Variants in C1orf141 observed in about 807,000 individuals in gnomAD.
The protein encoded by C1orf141 is chromosome 1 open reading frame 141, also known as uncharacterized protein C1orf141.
A neutral mutation model predicts 23.2 loss-of-function variants in C1orf141; 19 were observed. The observed-to-expected ratio is 0.82, with a 90% confidence interval of 0.57 to 1.20. The LOEUF (loss-of-function observed/expected upper bound fraction) is 1.20. Ranked by LOEUF, C1orf141 falls within the 50% of genes most tolerant of loss-of-function variation. The pLI is 0.00. For synonymous variants in C1orf141, 153 were observed against 154.6 expected (o/e 0.99, Z 0.08); for missense variants, 469 against 455.1 (o/e 1.03, Z -0.28).
intron 3 of C1orf141, among the ~76,000 whole-genome samples, chr1:67,126,768 T>G (rs1346059215): frequency 1.3e-5 from 2 of 152,218 alleles, no homozygotes; most frequent in South Asian, 4.1e-4. Flanking sequence ...TCAAACCAAA[T>G]CTTGCGGCTT....
At chr1:67,113,674 T>A (rs1428798791) in intron 5 of C1orf141, 2 of 1,254,044 alleles carry the variant, frequency 1.6e-6, no homozygotes, top group Non-Finnish European at 2.1e-6. Context: ...CAGGTCTTTG[T>A]AAGAAGTACA....
At chr1:67,105,219 G>A (rs894168949) in intron 5 of C1orf141, among the ~76,000 whole-genome samples, 3 of 151,254 alleles carry the variant, frequency 2.0e-5, no homozygotes, top group Non-Finnish European at 2.9e-5. Flanking sequence ...CCAACTACTC[G>A]GGAAGCTGCG....
In C1orf141 at chr1:67,092,927, G is replaced by T; in HGVS notation, c.*78C>A. ...ATGATCAATTAGAACATTACTATTTGGATAAGAATTTCTTTTATAATTTTG... is the reference window on the plus strand; with the variant it reads ...ATGATCAATTAGAACATTACTATTTTGATAAGAATTTCTTTTATAATTTTG... On this transcript the variant is annotated 3_prime_UTR_variant, in exon 8 of 8. Coordinates refer to ENST00000684719, the MANE Select transcript of C1orf141 (RefSeq NM_001276351.2). 1.8e-6 allele frequency: 2 copies of T among 1,121,654 alleles called. No homozygotes were observed. The highest frequency in any genetic ancestry group is 2.6e-6 in the Non-Finnish European group (2 of 783,552). The allele number at this position is 1,121,654 out of a possible 1,614,324, so 69.5% of individuals were successfully genotyped here. A position where few individuals can be genotyped will look rare whatever the true frequency, so the allele number is the denominator to read the frequency against.
In C1orf141 at chr1:67,130,168, T is replaced by C. The variant is rs577005453; in HGVS notation, c.-18+974A>G. On this transcript the variant is annotated intron_variant, in intron 2 of 7. Coordinates refer to ENST00000684719, the MANE Select transcript of C1orf141 (RefSeq NM_001276351.2). ...TCCCTCTTGTAAAACTAAACTAAAC[T>C]AAAACTCTCCGAGGAGTTTTAGCTT... Among the ~76,000 whole-genome samples, 15 of 152,288 alleles carry C rather than the reference T, an allele frequency of 9.8e-5. No homozygotes were observed. The South Asian group carries it at 1.7e-3, about 17-fold the overall frequency.
chr1:67,112,731 A>T (rs1266256513), intron 5 of C1orf141, among the ~76,000 whole-genome samples: 1 of 152,108 alleles, frequency 6.6e-6, no homozygotes, highest in African/African-American at 2.4e-5. Context: ...ACAAAAAACC[A>T]AGGGGTGAAT....
rs370142388 is a variant in C1orf141 at position 67,093,137 on chromosome 1, C to T, written c.1071G>A (p.Thr357=). The part of the protein sequence containing the change: ...FERMFSAGKP[T]SIPTSSALPV... ...GTAAGGCACTGGATGTGGGTATGCT[C>T]GTTGGTTTTCCTGCAGAAAACATTC... Residue 357 remains threonine (T), a synonymous_variant, in exon 8 of 8, where the codon ACG becomes ACA. Transcript: ENST00000684719. The T allele has an allele frequency of 3.0e-5, 49 of 1,613,858 alleles. No individual in the cohort carries two copies. Among genetic ancestry groups the T allele is most frequent in the Middle Eastern group, 1.7e-4 (1 of 6,060 alleles).
At chr1:67,106,760 G>A (rs963957828) in intron 5 of C1orf141, among the ~76,000 whole-genome samples, 6 of 152,028 alleles carry the variant, frequency 3.9e-5, no homozygotes, top group African/African-American at 9.7e-5. Context: ...GAATCTTACC[G>A]GAGAAACAGA....
At chr1:67,128,714 A>T (rs1360120217) in intron 2 of C1orf141, among the ~76,000 whole-genome samples, 1 of 152,090 alleles carries the variant, frequency 6.6e-6, no homozygotes, top group African/African-American at 2.4e-5. Context: ...AAAAGAAAAA[A>T]AAAATTGTGT....
intron 2 of C1orf141, among the ~76,000 whole-genome samples, chr1:67,129,773 G>A (rs1373805291): frequency 6.6e-6 from 1 of 152,112 alleles, no homozygotes; most frequent in Admixed American, 6.6e-5. Flanking sequence ...AAGACCTGTG[G>A]CAACTCTAAA....
intron 1 of C1orf141, among the ~76,000 whole-genome samples, chr1:67,134,450 G>T (rs1646562633): frequency 6.6e-6 from 1 of 152,204 alleles, no homozygotes; most frequent in South Asian, 2.1e-4. Flanking sequence ...TACCGCAGGG[G>T]CGATCAGCTT....
intron 5 of C1orf141, among the ~76,000 whole-genome samples, chr1:67,102,156 T>C (rs1032030948): frequency 1.2e-4 from 19 of 152,158 alleles, no homozygotes; most frequent in African/African-American, 4.3e-4. Context: ...CTGAACAGCA[T>C]TTTAAAAAAT....
chr1:67,137,630 C>A (rs1414810333), upstream of C1orf141, among the ~76,000 whole-genome samples: 1 of 152,194 alleles, frequency 6.6e-6, no homozygotes, highest in East Asian at 1.9e-4. Flanking sequence ...GTGGCCACCT[C>A]CCCATCCTAA....
intron 1 of C1orf141, among the ~76,000 whole-genome samples, chr1:67,132,316 C>G (rs936988801): frequency 2.0e-5 from 3 of 151,904 alleles, no homozygotes; most frequent in Non-Finnish European, 4.4e-5. Context: ...AGTCAGGAGT[C>G]GAGACCTGCC....
intron 7 of C1orf141, chr1:67,094,455 G>C (rs1217622896): frequency 1.3e-5 from 2 of 152,258 alleles, no homozygotes; most frequent in East Asian, 3.8e-4. Context: ...CTGCCATTCA[G>C]ATACACCTAT....
chr1:67,095,311 C>T lies in C1orf141; in HGVS notation c.527G>A (p.Cys176Tyr), dbSNP rs969724456. ...SVRKKSLLPL[C>Y]FEDELKNPHA... ...TGGATTTTTCAATTCATCCTCAAAG[C>T]ACAACGGGAGCAAGCTTTTCTTTCT... The change falls in exon 7 of 8, where the codon TGC (cysteine) becomes TAC (tyrosine). Residue 176 changes from cysteine (C) to tyrosine (Y), a missense_variant. Physicochemically the swap from Cys to Tyr is radical, Grantham distance 194 (BLOSUM62 -2). Transcript: ENST00000684719. 1 of 1,607,788 alleles carries T rather than the reference C, an allele frequency of 6.2e-7. No individual in the cohort carries two copies. The highest frequency in any genetic ancestry group is 8.5e-7 in the Non-Finnish European group (1 of 1,175,500).
At chr1:67,104,098 G>T (rs1399642481) in intron 5 of C1orf141, among the ~76,000 whole-genome samples, 5 of 151,924 alleles carry the variant, frequency 3.3e-5, no homozygotes, top group East Asian at 1.9e-4. Flanking sequence ...ACATTTTTAT[G>T]GTATAGATAG....
intron 5 of C1orf141, among the ~76,000 whole-genome samples, chr1:67,113,210 C>A (rs1458503831): frequency 3.9e-5 from 6 of 151,936 alleles, no homozygotes. Flanking sequence ...GAGCTCCTGA[C>A]CTCAAGTGAT....
chr1:67,095,258 T>C lies in C1orf141; in HGVS notation c.580A>G (p.Thr194Ala), dbSNP rs1645648125. 1.9e-6 allele frequency: 3 copies of C among 1,588,022 alleles called. No individual in the cohort carries two copies. The highest frequency in any genetic ancestry group is 2.6e-6 in the Non-Finnish European group (3 of 1,167,028). The change falls in exon 7 of 8, where the codon ACA becomes GCA. Residue 194 changes from threonine (T) to alanine (A), a missense_variant. By Grantham distance (58) the Thr-to-Ala change is moderately conservative. Around this residue, in one of 3 missense-constraint regions of C1orf141, gnomAD observed 370 missense variants for 348.1 expected, o/e 1.06. Coordinates refer to ENST00000684719, the MANE Select transcript of C1orf141 (RefSeq NM_001276351.2). ...ACCATGTGAGAAGTTACTGTCTTTG[T>C]TGGACTAACGTTGACTATCTTGGCA... Reference protein sequence around the residue: ...PHAKIVNVSPTKTVTSHMEQK... With the variant: ...PHAKIVNVSPAKTVTSHMEQK...
intron 5 of C1orf141, among the ~76,000 whole-genome samples, chr1:67,106,860 G>A (rs1645939444): frequency 6.6e-6 from 1 of 152,082 alleles, no homozygotes; most frequent in Non-Finnish European, 1.5e-5. Context: ...TATCTGAGGG[G>A]AGAATCTGAG....
Sources: allele counts gnomAD v4.1 joint callset (sites outside exome capture counted in the v4.1 genomes callset), GRCh38; gene constraint gnomAD v4.1.1; regional missense constraint gnomAD v4.1.1; transcripts MANE v1.5; gene names NCBI Gene and HGNC (gene_info 2026-07-23, HGNC 2026-07-21).